TLN2: variants seen among roughly 807,000 people sequenced by gnomAD.
TLN2 encodes the protein talin 2, also known as talin-2.
Under a neutral mutation model 294.7 loss-of-function variants are expected in TLN2, and 118 were observed. The observed-to-expected ratio is 0.40, with a 90% CI of 0.34 to 0.47. The LOEUF (loss-of-function observed/expected upper bound fraction) is 0.47, where lower values mean the gene tolerates loss of function less well. TLN2 is among the 20% of genes least tolerant of loss of function. The probability of loss-of-function intolerance (pLI) is 0.84; values close to 1 mark genes in which losing one functional copy is unlikely to be tolerated. For synonymous variants in TLN2, 1,431 were observed against 1,304.5 expected, an observed-to-expected ratio of 1.10 and a Z score of -2.09; for missense variants, 3,083 against 3,282.2, an observed-to-expected ratio of 0.94 and a Z score of 1.48.
At chr15:62,720,725 T>C (rs1350169273) in intron 25 of TLN2, among the ~76,000 whole-genome samples, 1 of 152,062 alleles carries the variant, frequency 6.6e-6, no homozygotes, top group Non-Finnish European at 1.5e-5. Context: ...CCCTTTGTGT[T>C]TTTCATCTAA....
intron 11 of TLN2, among the ~76,000 whole-genome samples, chr15:62,680,589 T>C (rs2056734323): frequency 6.6e-6 from 1 of 152,128 alleles, no homozygotes; most frequent in African/African-American, 2.4e-5. Context: ...TACTTTTTTT[T>C]TTTTCAATAG....
intron 14 of TLN2, among the ~76,000 whole-genome samples, chr15:62,696,365 A>G (rs1270505885): frequency 6.6e-6 from 1 of 152,242 alleles, no homozygotes; most frequent in Non-Finnish European, 1.5e-5. Context: ...TCAGATGATC[A>G]GCGTCCTTTG....
intron 1 of TLN2, among the ~76,000 whole-genome samples, chr15:62,505,102 G>A (rs993611374): frequency 4.0e-5 from 6 of 151,660 alleles, no homozygotes; most frequent in Non-Finnish European, 8.8e-5. Flanking sequence ...GATTACAGGC[G>A]CCTGCCACTA....
intron 28 of TLN2, chr15:62,733,910 C>G (rs1168318694): frequency 6.6e-6 from 1 of 152,240 alleles, no homozygotes; most frequent in Non-Finnish European, 1.5e-5. Context: ...GCTTGGGGAT[C>G]TGATCCTGTA....
intron 1 of TLN2, among the ~76,000 whole-genome samples, chr15:62,566,112 T>C (rs188703796): frequency 6.6e-6 from 1 of 152,080 alleles, no homozygotes; most frequent in East Asian, 1.9e-4. Flanking sequence ...AGATAAAGCA[T>C]GGCAAATGTT....
rs537251935 is a variant in TLN2 at position 62,800,705 on chromosome 15, A to G, written c.6413A>G (p.Asp2138Gly). 1 of 1,614,116 alleles carries G rather than the reference A, an allele frequency of 6.2e-7. No homozygotes were observed. The highest frequency in any genetic ancestry group is 1.1e-5 in the South Asian group (1 of 91,062). ...CTCAAGACTGTAAAGGCAGTGGAGG[A>G]TGAGGCCACCCGGGGCACCAGGGCG... ...SLLKTVKAVE[D>G]EATRGTRALE... The change falls in exon 50 of 59, where the codon GAT (aspartate) becomes GGT (glycine). Residue 2138 changes from aspartate to glycine, a missense_variant. Physicochemically the swap from Asp to Gly is moderately conservative, Grantham distance 94 (BLOSUM62 -1). Coordinates refer to ENST00000636159, the MANE Select transcript of TLN2 (RefSeq NM_015059.3).
intron 11 of TLN2, among the ~76,000 whole-genome samples, chr15:62,682,671 A>G (rs943710181): frequency 2.0e-5 from 3 of 152,184 alleles, no homozygotes; most frequent in African/African-American, 7.2e-5. Context: ...TGGGAGCTGT[A>G]AATGTCTACA....
intron 12 of TLN2, among the ~76,000 whole-genome samples, chr15:62,688,241 C>T (rs1055165299): frequency 6.6e-6 from 1 of 152,084 alleles, no homozygotes. Flanking sequence ...CACATTAAAG[C>T]CCATTATACG....
intron 1 of TLN2, among the ~76,000 whole-genome samples, chr15:62,475,038 G>C (rs991777258): frequency 6.6e-6 from 1 of 152,032 alleles, no homozygotes; most frequent in African/African-American, 2.4e-5. Context: ...TGGACCTTTG[G>C]GGAAATAGAG....
At chr15:62,467,694 A>C (rs63039560) in intron 1 of TLN2, among the ~76,000 whole-genome samples, 3 of 145,052 alleles carry the variant, frequency 2.1e-5, no homozygotes, top group African/African-American at 7.6e-5. Flanking sequence ...CAAAAAAAAA[A>C]TTAGTGTGAA....
intron 1 of TLN2, among the ~76,000 whole-genome samples, chr15:62,556,885 A>G (rs2042634637): frequency 6.6e-6 from 1 of 152,206 alleles, no homozygotes. Flanking sequence ...TTATAAGGAA[A>G]CATTTTGATA....
intron 9 of TLN2, among the ~76,000 whole-genome samples, chr15:62,669,222 C>T (rs1313051357): frequency 6.6e-6 from 1 of 152,180 alleles, no homozygotes; most frequent in East Asian, 1.9e-4. Context: ...AATGCAGTAG[C>T]TCAATTTTTA....
Position 62,797,368 on chromosome 15 carries a change from C to T in TLN2, c.6200C>T (p.Ala2067Val). 2 of 1,612,056 alleles carry T rather than the reference C, an allele frequency of 1.2e-6. No homozygotes were observed. The highest frequency in any genetic ancestry group is 1.7e-6 in the Non-Finnish European group (2 of 1,179,456). ...CTCGCAGAAGTGGTCAAGCTGGGGG[C>T]AGCCAGCCTGGGCTCCGACGACCCC... The part of the protein sequence containing the change: ...TQLAEVVKLG[A>V]ASLGSDDPET... Residue 2067 changes from alanine to valine, a missense_variant, in exon 48 of 59, where the codon GCA (alanine) becomes GTA (valine). Coordinates refer to ENST00000636159, the MANE Select transcript of TLN2 (RefSeq NM_015059.3).
At position 62,771,020 on chromosome 15, in the gene TLN2, C is replaced by T; in HGVS notation, c.5253C>T (p.Ala1751=). 1 of 1,613,570 alleles carries T rather than the reference C, an allele frequency of 6.2e-7. No individual in the cohort carries two copies. The highest frequency in any genetic ancestry group is 8.5e-7 in the Non-Finnish European group (1 of 1,179,940). ...TGATCTTAGCCGCAGTTGGTGTGGC[C>T]TCCAAGATTCTTGATCATCAGCAGC... The part of the protein sequence containing the change: ...EPLILAAVGV[A]SKILDHQQQM... The change falls in exon 42 of 59, where the codon GCC becomes GCT. Residue 1751 remains alanine, a synonymous_variant. Coordinates refer to ENST00000636159, the MANE Select transcript of TLN2 (RefSeq NM_015059.3).
chr15:62,503,059 C>G (rs180937211), intron 1 of TLN2, among the ~76,000 whole-genome samples: 1 of 152,252 alleles, frequency 6.6e-6, no homozygotes, highest in Non-Finnish European at 1.5e-5. Flanking sequence ...GGCCTGGCCA[C>G]TCTGAGTCAT....
rs114127070 is a variant in TLN2 at position 62,823,104 on chromosome 15, C to T, written c.7002+2494C>T. Among the ~76,000 whole-genome samples, 317 of 152,232 alleles carry T rather than the reference C, an allele frequency of 2.1e-3. 1 individual carries two copies. The highest frequency in any genetic ancestry group is 7.2e-3 in the African/African-American group (301 of 41,538). ...GGTTAACATAACTGATGATGTGAAT[C>T]CTTTGTTTGAGGGTTCCTACCTTAG... On this transcript the variant is annotated intron_variant, in intron 54 of 58. Coordinates refer to ENST00000636159, the MANE Select transcript of TLN2 (RefSeq NM_015059.3).
At chr15:62,414,946 TTGC>T (rs2033992750) in intron 1 of TLN2, among the ~76,000 whole-genome samples, 1 of 141,130 alleles carries the variant, frequency 7.1e-6, no homozygotes, top group African/African-American at 2.5e-5. Flanking sequence ...AGTTTCGCTC[TTGC>T]TGCCCAGGCT....
At chr15:62,565,863 T>C (rs903926103) in intron 1 of TLN2, among the ~76,000 whole-genome samples, 1 of 152,038 alleles carries the variant, frequency 6.6e-6, no homozygotes, top group African/African-American at 2.4e-5. Flanking sequence ...TGGCATAGCA[T>C]TGTCAGGGGC....
chr15:62,783,917 A>G, intron 45 of TLN2, 27 bp downstream of exon 45: 1 of 1,612,770 alleles, frequency 6.2e-7, no homozygotes, highest in Admixed American at 1.7e-5. Context: ...CCCCTATTTT[A>G]AGATGCACAC....
Sources: allele counts gnomAD v4.1 joint callset (sites outside exome capture counted in the v4.1 genomes callset), GRCh38; gene constraint gnomAD v4.1.1; transcripts MANE v1.5; gene names NCBI Gene and HGNC (gene_info 2026-07-23, HGNC 2026-07-21).